Variants in RAB11FIP5 observed in about 807,000 individuals in gnomAD.
The protein encoded by RAB11FIP5 is rab11 family-interacting protein 5.
Under a neutral mutation model 85.1 loss-of-function variants are expected in RAB11FIP5, and 48 were observed. The ratio of observed to expected loss-of-function variants is 0.56; its 90% CI spans 0.45 to 0.72. The LOEUF (loss-of-function observed/expected upper bound fraction) is 0.72. Ranked by LOEUF, RAB11FIP5 falls within the 30% of genes least tolerant of loss-of-function variation. The probability of loss-of-function intolerance (pLI) is 0.00; values close to 1 mark genes in which losing one functional copy is unlikely to be tolerated. For missense variants in RAB11FIP5, 1,491 were observed against 1,687.0 expected (o/e 0.88, Z 2.04); for synonymous variants, 729 against 727.3 (o/e 1.00, Z -0.04).
Position 73,112,546 on chromosome 2 carries a change from G to T in RAB11FIP5, c.232C>A (p.Pro78Thr). ...AGCAGGCCATCCAGGGCCCCCGGCG[G>T]CAGCTCGAAGGAGCACTCCTCACGC... ...EWREECSFELPPGALDGLLRA... is the reference protein window; with the variant it reads ...EWREECSFELTPGALDGLLRA... The change falls in exon 1 of 6, where the codon CCG (proline) becomes ACG (threonine). Residue 78 changes from proline to threonine, a missense_variant. Pro to Thr is a conservative substitution (Grantham distance 38). Coordinates refer to ENST00000486777, the MANE Select transcript of RAB11FIP5 (RefSeq NM_001371272.1). 1 of 1,545,488 alleles carries T rather than the reference G, an allele frequency of 6.5e-7. No individual in the cohort carries two copies. The highest frequency in any genetic ancestry group is 8.7e-7 in the Non-Finnish European group (1 of 1,148,306).
At chr2:73,099,042 TTC>T (rs1684379893) in intron 1 of RAB11FIP5, among the ~76,000 whole-genome samples, 1 of 151,268 alleles carries the variant, frequency 6.6e-6, no homozygotes, top group South Asian at 2.1e-4. Flanking sequence ...TGTTTTTTTT[TTC>T]TTTTTTCTTT....
In RAB11FIP5 at chr2:73,081,896, G is replaced by C. The variant is rs1211229271; in HGVS notation, c.1569-233C>G. On this transcript the variant is annotated intron_variant, in intron 3 of 5. Coordinates refer to ENST00000486777, the MANE Select transcript of RAB11FIP5 (RefSeq NM_001371272.1). The surrounding 1 kb of genome is among the most constrained non-coding windows in gnomAD (Gnocchi z 4.2). ...TATTTTAATGCTCACTCCAACCCCA[G>C]AGAGAAATCATCTCATCTGATAGGC... Among the ~76,000 whole-genome samples, 1 of 152,146 alleles carries C rather than the reference G, an allele frequency of 6.6e-6. No homozygotes were observed. The highest frequency in any genetic ancestry group is 1.5e-5 in the Non-Finnish European group (1 of 68,026).
chr2:73,110,605 G>A (rs920101673), intron 1 of RAB11FIP5, among the ~76,000 whole-genome samples: 1 of 152,194 alleles, frequency 6.6e-6, no homozygotes, highest in Admixed American at 6.5e-5. Flanking sequence ...CAGATCAAGG[G>A]GTGGTAAGTC....
chr2:73,082,323 A>G (rs1684000715), intron 3 of RAB11FIP5, among the ~76,000 whole-genome samples: 2 of 152,136 alleles, frequency 1.3e-5, no homozygotes, highest in Non-Finnish European at 2.9e-5. Context: ...TAGGACTAAA[A>G]GCAAAGAAAA....
intron 3 of RAB11FIP5, among the ~76,000 whole-genome samples, chr2:73,085,399 C>A (rs953623486): frequency 7.2e-5 from 11 of 152,200 alleles, no homozygotes; most frequent in African/African-American, 2.7e-4. Flanking sequence ...GGGCGGGGAA[C>A]AAGGGAACAC....
chr2:73,085,356 C>T (rs1425313417), intron 3 of RAB11FIP5, among the ~76,000 whole-genome samples: 2 of 152,186 alleles, frequency 1.3e-5, no homozygotes, highest in African/African-American at 2.4e-5. Context: ...ATTTGATCCC[C>T]TTCTGTGCAT....
At chr2:73,079,006 A>G (rs1683914003) in intron 4 of RAB11FIP5, among the ~76,000 whole-genome samples, 1 of 152,214 alleles carries the variant, frequency 6.6e-6, no homozygotes, top group Non-Finnish European at 1.5e-5. Flanking sequence ...AAAGGCACCA[A>G]ACGCAAACCA....
intron 4 of RAB11FIP5, 137 bp downstream of exon 4, chr2:73,079,514 T>C (rs1683925505): frequency 1.8e-6 from 2 of 1,106,898 alleles, no homozygotes; most frequent in African/African-American, 1.6e-5. Context: ...CTGTACCGTC[T>C]TGCCTCTGGG....
chr2:73,098,433 T>C (rs1231883550), intron 1 of RAB11FIP5, among the ~76,000 whole-genome samples: 3 of 152,250 alleles, frequency 2.0e-5, no homozygotes, highest in South Asian at 2.1e-4. Flanking sequence ...GAGGATTCAA[T>C]GGCCTATGCG....
intron 1 of RAB11FIP5, among the ~76,000 whole-genome samples, chr2:73,108,234 G>A (rs1403402430): frequency 6.6e-6 from 1 of 152,176 alleles, no homozygotes; most frequent in Non-Finnish European, 1.5e-5. Context: ...TCTTTGTGAT[G>A]AAAAAAGACA....
chr2:73,080,352 C>T lies in RAB11FIP5; in HGVS notation c.2880G>A (p.Glu960=). The change falls in exon 4 of 6, where the codon GAG becomes GAA. Residue 960 remains glutamate, a synonymous_variant. Coordinates refer to ENST00000486777, the MANE Select transcript of RAB11FIP5 (RefSeq NM_001371272.1). ...GGGTTGCAGAGGAGCAGCTGTCAGA[C>T]TCCTCCGACTCACGCTTCTCTCCCT... ...KEEGEKRESE[E]SDSCSSATLL... 1 of 1,232,776 alleles carries T rather than the reference C, an allele frequency of 8.1e-7. No individual in the cohort carries two copies. The highest frequency in any genetic ancestry group is 1.0e-6 in the Non-Finnish European group (1 of 988,310). 76.4% of individuals were successfully genotyped at this position (1,232,776 alleles called of 1,614,324 possible).
chr2:73,076,269 G>A lies in RAB11FIP5; in HGVS notation c.3582-87C>T. On this transcript the variant is annotated intron_variant, in intron 4 of 5. Coordinates refer to ENST00000486777, the MANE Select transcript of RAB11FIP5 (RefSeq NM_001371272.1). ...GCTGCCTTCCCTGTGGAGCCTCCAG[G>A]TCTGCTGGACAGAAAGCCCAGCACT... The A allele has an allele frequency of 4.7e-6, 6 of 1,289,788 alleles. No homozygotes were observed. In the South Asian group the frequency reaches 7.9e-5, roughly 17 times the overall value. 79.9% of individuals were successfully genotyped at this position (1,289,788 alleles called of 1,614,324 possible).
At chr2:73,101,365 C>T (rs566337503) in intron 1 of RAB11FIP5, among the ~76,000 whole-genome samples, 1 of 152,164 alleles carries the variant, frequency 6.6e-6, no homozygotes, top group Non-Finnish European at 1.5e-5. Flanking sequence ...CTATTTGGAT[C>T]CTAACTCAAC....
chr2:73,087,549 G>A (rs1312342215), intron 3 of RAB11FIP5, among the ~76,000 whole-genome samples: 2 of 152,158 alleles, frequency 1.3e-5, no homozygotes, highest in Non-Finnish European at 2.9e-5. Flanking sequence ...AGGAGTGGTG[G>A]CTTCAGTTAT....
At chr2:73,104,705 T>C (rs1684491008) in intron 1 of RAB11FIP5, among the ~76,000 whole-genome samples, 1 of 152,178 alleles carries the variant, frequency 6.6e-6, no homozygotes, top group Non-Finnish European at 1.5e-5. Flanking sequence ...ACTCACAGTT[T>C]CCCTGCCTCC....
rs1553532319 is a variant in RAB11FIP5 at position 73,081,488 on chromosome 2, T to TGGTGGC, written c.1738_1743dup (p.Ala580_Thr581dup). ...GGTGGGGTGGCTTCAGGGGCGGCGG[T>TGGTGGC]GGTGGCGGCAGCGGCAGCAGTGGCA... On this transcript the variant is annotated inframe_insertion, in exon 4 of 6. Transcript: ENST00000486777. This position sits in a 1 kb window ranked among gnomAD's most constrained non-coding sequence, Gnocchi z 4.2. 2.4e-6 allele frequency: 3 copies of TGGTGGC among 1,233,790 alleles called. No homozygotes were observed. Among genetic ancestry groups the TGGTGGC allele is most frequent in the Non-Finnish European group, 3.0e-6 (3 of 989,578 alleles). 76.4% of individuals were successfully genotyped at this position (1,233,790 alleles called of 1,614,324 possible).
chr2:73,096,383 GCC>G (rs1391654505), intron 1 of RAB11FIP5, among the ~76,000 whole-genome samples: 2 of 152,188 alleles, frequency 1.3e-5, no homozygotes, highest in East Asian at 3.8e-4. Flanking sequence ...CCATGCAAGT[GCC>G]AGGGAACTCC....
chr2:73,097,102 G>A (rs1373695176), intron 1 of RAB11FIP5, among the ~76,000 whole-genome samples: 3 of 151,980 alleles, frequency 2.0e-5, no homozygotes, highest in East Asian at 1.9e-4. Flanking sequence ...GCAATGGCTC[G>A]ATCTCAGCTC....
At position 73,080,113 on chromosome 2, in the gene RAB11FIP5, C is replaced by A; in HGVS notation, c.3119G>T (p.Gly1040Val). The A allele has an allele frequency of 8.1e-7, 1 of 1,232,242 alleles. No individual in the cohort carries two copies. The highest frequency in any genetic ancestry group is 4.1e-5 in the South Asian group (1 of 24,320). 76.3% of individuals were successfully genotyped at this position (1,232,242 alleles called of 1,614,324 possible). ...APEAQGQDPVGEGLGSLSATS... is the reference protein window; with the variant it reads ...APEAQGQDPVVEGLGSLSATS... ...GGCTGACAAGGACCCAAGCCCCTCT[C>A]CTACTGGATCCTGGCCCTGGGCCTC... Residue 1040 changes from glycine to valine, a missense_variant, in exon 4 of 6, where the codon GGA becomes GTA. Gly to Val is a moderately radical substitution (Grantham distance 109). Transcript: ENST00000486777.
Sources: allele counts gnomAD v4.1 joint callset (sites outside exome capture counted in the v4.1 genomes callset), GRCh38; gene constraint gnomAD v4.1.1; non-coding constraint Gnocchi (gnomAD v3.1); transcripts MANE v1.5; gene names NCBI Gene and HGNC (gene_info 2026-07-23, HGNC 2026-07-21).